Variants in TRAPPC2 observed in about 807,000 individuals in gnomAD.
TRAPPC2 encodes sedlin.
TRAPPC2 carries 4 observed loss-of-function variants against 10.0 expected under a neutral mutation model. The observed-to-expected ratio is 0.40, with a 90% confidence interval of 0.20 to 0.92. The LOEUF is 0.92. Ranked by LOEUF, TRAPPC2 falls within the 40% of genes least tolerant of loss-of-function variation. TRAPPC2 has a pLI of 0.35. For missense variants in TRAPPC2, 52 were observed against 108.7 expected (o/e 0.48, Z 2.32); for synonymous variants, 36 against 37.3 (o/e 0.97, Z 0.12).
intron 2 of TRAPPC2, among the ~76,000 whole-genome samples, chrX:13,729,282 C>T (rs1305121819): frequency 8.9e-6 from 1 of 111,994 alleles, no homozygotes; most frequent in Non-Finnish European, 1.9e-5. Context: ...AAAGAGCCCA[C>T]ATTGCCAAGA....
At chrX:13,722,959 A>T (rs1157868540) in intron 2 of TRAPPC2, among the ~76,000 whole-genome samples, 1 of 110,128 alleles carries the variant, frequency 9.1e-6, no homozygotes, top group Non-Finnish European at 1.9e-5. Context: ...GCTACTCGGG[A>T]GGCTGAGGCA....
At chrX:13,729,498 A>G (rs1314967024) in intron 2 of TRAPPC2, among the ~76,000 whole-genome samples, 8 of 107,872 alleles carry the variant, frequency 7.4e-5, no homozygotes, top group African/African-American at 1.0e-4. Context: ...AGAAATGGGG[A>G]AAGGATTCCC....
At chrX:13,726,548 G>C (rs1331052078) in intron 2 of TRAPPC2, among the ~76,000 whole-genome samples, 1 of 111,364 alleles carries the variant, frequency 9.0e-6, no homozygotes, top group Non-Finnish European at 1.9e-5. Context: ...TACAGAGAAG[G>C]AAATGATGAG....
At chrX:13,721,572 T>C (rs915918324) in intron 2 of TRAPPC2, 1 of 111,947 alleles carries the variant, frequency 8.9e-6, no homozygotes, top group Non-Finnish European at 1.9e-5. Flanking sequence ...GCAAGCCTCA[T>C]TGGGCCTTCT....
intron 3 of TRAPPC2, among the ~76,000 whole-genome samples, chrX:13,718,582 C>A (rs1373799879): frequency 1.8e-5 from 2 of 112,134 alleles, no homozygotes; most frequent in African/African-American, 6.5e-5. Flanking sequence ...AGAGATACCT[C>A]AAAAACAAGT....
intron 2 of TRAPPC2, among the ~76,000 whole-genome samples, chrX:13,729,568 C>G (rs1042728505): frequency 3.6e-5 from 4 of 112,126 alleles, no homozygotes; most frequent in Non-Finnish European, 5.6e-5. Flanking sequence ...GAAACTGGAT[C>G]CCTTCCTTAC....
chrX:13,730,408 C>T (rs1012627643), intron 2 of TRAPPC2, among the ~76,000 whole-genome samples: 8 of 111,825 alleles, frequency 7.2e-5, no homozygotes, highest in African/African-American at 2.6e-4. Context: ...ATTAAAAAGT[C>T]AGGAAATAAC....
At chrX:13,719,785 T>C (rs780442355) in intron 3 of TRAPPC2, 86 bp downstream of exon 3, 250 of 722,223 alleles carry the variant, frequency 3.5e-4, no homozygotes, top group Non-Finnish European at 4.8e-4. Context: ...TTGTGGTGGA[T>C]TTCAGTTACC....
At chrX:13,730,218 T>C (rs748366695) in intron 2 of TRAPPC2, among the ~76,000 whole-genome samples, 1 of 108,054 alleles carries the variant, frequency 9.3e-6, no homozygotes, top group East Asian at 2.9e-4. Flanking sequence ...CTCAAACAAA[T>C]TTATAAGAAA....
At chrX:13,734,336 C>G (rs185605225) in intron 1 of TRAPPC2, among the ~76,000 whole-genome samples, 151 bp from the exon 2 acceptor site, 30 of 112,052 alleles carry the variant, frequency 2.7e-4, no homozygotes, top group East Asian at 1.1e-3. Context: ...GAAACCACAG[C>G]CCCCGAGAGG....
At position 13,714,464 on chromosome X, in the gene TRAPPC2, T is replaced by C. The variant is rs1324739346; in HGVS notation, c.366A>G (p.Arg122=). 2 of 1,169,205 alleles carry C rather than the reference T, an allele frequency of 1.7e-6. No individual in the cohort carries two copies. Residue 122 remains arginine (R), a synonymous_variant, in exon 6 of 6, where the codon CGA becomes CGG. Coordinates refer to ENST00000380579, the MANE Select transcript of TRAPPC2 (RefSeq NM_001011658.4). ...NPFYEPNSPI[R]SSAFDRKVQF... is the part of the protein sequence containing the mutation. ...GAACTTTTCTGTCAAATGCACTTGA[T>C]CGAATAGGAGAATTGGGTTCATAAA...
At chrX:13,720,974 C>T (rs2046393211) in intron 2 of TRAPPC2, 1 of 106,331 alleles carries the variant, frequency 9.4e-6, no homozygotes, top group South Asian at 4.4e-4. Flanking sequence ...CTGCAGTGAA[C>T]CAAGATCGCA....
chrX:13,723,167 T>C (rs1044582197), intron 2 of TRAPPC2, among the ~76,000 whole-genome samples: 1 of 110,451 alleles, frequency 9.1e-6, no homozygotes. Context: ...AATAGCCATA[T>C]GTGGCTAGTG....
chrX:13,728,333 T>C (rs894242921), intron 2 of TRAPPC2, among the ~76,000 whole-genome samples: 44 of 111,968 alleles, frequency 3.9e-4, no homozygotes, highest in African/African-American at 1.4e-3. Flanking sequence ...CCGATGAACA[T>C]TGATGCGAAA....
Position 13,716,130 on chromosome X carries a change from CA to C in TRAPPC2, c.239-42del, listed in dbSNP as rs756298020. Reference sequence around the variant, plus strand: ...CATAATCTTTCTTAGAAATGAAAAACAAAAAGCAACCAGTTCGTTGATACAG... The same window carrying C: ...CATAATCTTTCTTAGAAATGAAAAACAAAAGCAACCAGTTCGTTGATACAG... On this transcript the variant is annotated intron_variant, in intron 4 of 5. Coordinates refer to ENST00000380579, the MANE Select transcript of TRAPPC2 (RefSeq NM_001011658.4). 2.9e-4 allele frequency: 323 copies of C among 1,131,491 alleles called. No individual in the cohort carries two copies. In the African/African-American group the frequency reaches 5.0e-3, roughly 17 times the overall value. The allele number at this position is 1,131,491 out of a possible 1,213,427, so 93.2% of individuals were successfully genotyped here. A position where few individuals can be genotyped will look rare whatever the true frequency, so the allele number is the denominator to read the frequency against.
At chrX:13,733,634 A>G (rs1303027666) in intron 2 of TRAPPC2, among the ~76,000 whole-genome samples, 1 of 112,262 alleles carries the variant, frequency 8.9e-6, no homozygotes, top group East Asian at 2.8e-4. Context: ...GCTGTACACA[A>G]AGCTGACATC....
At chrX:13,722,208 C>CAAAAAAAAAAAAAAAAAAAAAAAA (rs748574644) in intron 2 of TRAPPC2, 4 of 36,118 alleles carry the variant, frequency 1.1e-4, no homozygotes, top group Non-Finnish European at 1.5e-4. Flanking sequence ...TAAGCAGCAG[C>CAAAAAAAAAAAAAAAAAAAAAAAA]AAAAAAAAAA....
At position 13,714,351 on chromosome X, in the gene TRAPPC2, A is replaced by T. The variant is rs756953417; in HGVS notation, c.*56T>A. 1 of 773,856 alleles carries T rather than the reference A, an allele frequency of 1.3e-6. No homozygotes were observed. 63.8% of individuals were successfully genotyped at this position (773,856 alleles called of 1,213,427 possible). On this transcript the variant is annotated 3_prime_UTR_variant, in exon 6 of 6. Coordinates refer to ENST00000380579, the MANE Select transcript of TRAPPC2 (RefSeq NM_001011658.4). Reference sequence around the variant, plus strand: ...TTTAATCAAGTAACTTACAATGTACACATTCCTGAGTATACACCATTGTGG... The same window carrying T: ...TTTAATCAAGTAACTTACAATGTACTCATTCCTGAGTATACACCATTGTGG...
intron 5 of TRAPPC2, among the ~76,000 whole-genome samples, chrX:13,715,040 A>G (rs1010254264): frequency 1.8e-5 from 2 of 112,869 alleles, no homozygotes; most frequent in African/African-American, 6.4e-5. Context: ...TGATTTTTAT[A>G]CCTTAATCAC....
Sources: allele counts gnomAD v4.1 joint callset (sites outside exome capture counted in the v4.1 genomes callset), GRCh38; gene constraint gnomAD v4.1.1; transcripts MANE v1.5; gene names NCBI Gene and HGNC (gene_info 2026-07-23, HGNC 2026-07-21).